MEGF11: variants seen among roughly 807,000 people sequenced by gnomAD.
The protein encoded by MEGF11 is multiple epidermal growth factor-like domains protein 11.
MEGF11 carries 126 observed loss-of-function variants against 146.6 expected under a neutral mutation model. The observed-to-expected ratio is 0.86, with a 90% CI of 0.74 to 1.00. MEGF11 has a LOEUF of 1.00. MEGF11 is among the 50% of genes least tolerant of loss of function. The probability of loss-of-function intolerance (pLI) is 0.00; values close to 1 mark genes in which losing one functional copy is unlikely to be tolerated. For missense variants in MEGF11, 1,509 were observed against 1,521.2 expected, an observed-to-expected ratio of 0.99 and a Z score of 0.13; for synonymous variants, 532 against 583.4, an observed-to-expected ratio of 0.91 and a Z score of 1.27.
At chr15:65,989,970 G>C (rs557570297) in intron 5 of MEGF11, among the ~76,000 whole-genome samples, 1 of 152,172 alleles carries the variant, frequency 6.6e-6, no homozygotes, top group South Asian at 2.1e-4. Flanking sequence ...GAGGAAGGAG[G>C]ATCACTGAGA....
rs112215713 is a variant in MEGF11, at chr15:66,151,304, G to A, written c.-8-22893C>T. Among the ~76,000 whole-genome samples the A allele has an allele frequency of 4.9e-3, 745 of 152,292 alleles. 3 individuals are homozygous for A. The highest frequency in any genetic ancestry group is 5.5e-3 in the African/African-American group (229 of 41,564). ...GAGGACCAACACAACCTTCTTCCTC[G>A]GCACACACAAACGATCCCTGCCTTC... On this transcript the variant is annotated intron_variant, in intron 1 of 25. Transcript: ENST00000395614.
chr15:66,228,499 G>A (rs1445245618), intron 1 of MEGF11, among the ~76,000 whole-genome samples: 2 of 152,138 alleles, frequency 1.3e-5, no homozygotes, highest in African/African-American at 4.8e-5. Flanking sequence ...ACACAGAGGA[G>A]CCACACACAG....
intron 7 of MEGF11, among the ~76,000 whole-genome samples, chr15:65,980,000 A>T (rs1291307245): frequency 6.6e-6 from 1 of 152,120 alleles, no homozygotes; most frequent in East Asian, 1.9e-4. Context: ...AATCACCTAT[A>T]GTACCTGTTA....
In MEGF11 at chr15:66,128,076, G is replaced by A. The variant is rs577045312; in HGVS notation, c.98+230C>T. ...GGCTGGGAAGTGCTAGTGCAGGGAG[G>A]GGTAGGACAGTGCATCGTAACTGAA... On this transcript the variant is annotated intron_variant, in intron 2 of 25. Transcript: ENST00000395614. 5.3e-4 allele frequency among the ~76,000 whole-genome samples: 81 copies of A among 152,330 alleles called. 1 individual carries two copies. The highest frequency in any genetic ancestry group is 1.9e-3 in the African/African-American group (79 of 41,574).
chr15:66,042,701 C>G (rs1277751977), intron 5 of MEGF11, among the ~76,000 whole-genome samples: 1 of 152,192 alleles, frequency 6.6e-6, no homozygotes, highest in Non-Finnish European at 1.5e-5. Context: ...CCCCTCCCAG[C>G]TTCTGGTTTG....
intron 5 of MEGF11, among the ~76,000 whole-genome samples, chr15:66,074,195 A>G (rs1051168770): frequency 3.3e-5 from 5 of 152,214 alleles, no homozygotes; most frequent in African/African-American, 1.2e-4. Context: ...TATTTTTATT[A>G]CATATGAATG....
chr15:66,026,780 A>G (rs1045885429), intron 5 of MEGF11, among the ~76,000 whole-genome samples: 1 of 151,828 alleles, frequency 6.6e-6, no homozygotes, highest in African/African-American at 2.4e-5. Flanking sequence ...AAGCCACCAC[A>G]CCTGGCCGAA....
chr15:66,150,823 C>CGAGAGAGAGAGA (rs66595752), intron 1 of MEGF11, among the ~76,000 whole-genome samples: 57 of 104,358 alleles, frequency 5.5e-4, no homozygotes, highest in African/African-American at 8.1e-4. Context: ...AATGCCCTGT[C>CGAGAGAGAGAGA]GAGAGAGAGA....
At chr15:65,989,540 C>G (rs989156532) in intron 5 of MEGF11, among the ~76,000 whole-genome samples, 1 of 152,350 alleles carries the variant, frequency 6.6e-6, no homozygotes, top group South Asian at 2.1e-4. Flanking sequence ...AGAGATGGAG[C>G]AGCAGCCGCC....
At chr15:65,966,624 A>G (rs1298907265) in intron 8 of MEGF11, among the ~76,000 whole-genome samples, 1 of 152,142 alleles carries the variant, frequency 6.6e-6, no homozygotes, top group African/African-American at 2.4e-5. Context: ...CCTTGGAAGA[A>G]GGTCCCCTCA....
intron 5 of MEGF11, among the ~76,000 whole-genome samples, chr15:66,023,096 A>C (rs1464680477): frequency 2.1e-5 from 3 of 140,798 alleles, no homozygotes; most frequent in Non-Finnish European, 4.5e-5. Flanking sequence ...AGCTGAGATT[A>C]TCCCACTGCA....
At chr15:66,162,374 G>C (rs1001704343) in intron 1 of MEGF11, among the ~76,000 whole-genome samples, 10 of 152,204 alleles carry the variant, frequency 6.6e-5, no homozygotes, top group African/African-American at 2.4e-4. Flanking sequence ...ACATTAGTTT[G>C]ACTTGTAGAA....
At chr15:65,970,928 G>T in intron 7 of MEGF11, 1 of 558,002 alleles carries the variant, frequency 1.8e-6, no homozygotes, top group Non-Finnish European at 3.2e-6. Context: ...GAGGTGCTGT[G>T]TGAGACACTA....
At chr15:65,899,403 T>C (rs1373836261) in intron 24 of MEGF11, among the ~76,000 whole-genome samples, 1 of 152,228 alleles carries the variant, frequency 6.6e-6, no homozygotes, top group Non-Finnish European at 1.5e-5. Flanking sequence ...TTCTTCTTTT[T>C]TGAGATGTTG....
chr15:66,143,958 CT>C (rs1438938663), intron 1 of MEGF11, among the ~76,000 whole-genome samples: 2 of 152,268 alleles, frequency 1.3e-5, no homozygotes, highest in East Asian at 3.9e-4. Context: ...GCACCTCAGC[CT>C]TTCCTCCGGG....
At chr15:65,919,278 G>C (rs1479171595) in intron 15 of MEGF11, among the ~76,000 whole-genome samples, 1 of 152,188 alleles carries the variant, frequency 6.6e-6, no homozygotes, top group East Asian at 1.9e-4. Context: ...TTTTCTTTAT[G>C]TAGTCAACAA....
At chr15:66,152,916 C>T (rs1370398374) in intron 1 of MEGF11, among the ~76,000 whole-genome samples, 1 of 152,222 alleles carries the variant, frequency 6.6e-6, no homozygotes, top group Non-Finnish European at 1.5e-5. Flanking sequence ...ACCGCTTGCT[C>T]ACATGCAGCC....
chr15:66,124,890 G>C (rs1351835966), intron 2 of MEGF11, among the ~76,000 whole-genome samples: 1 of 152,386 alleles, frequency 6.6e-6, no homozygotes, highest in East Asian at 1.9e-4. Context: ...AGGCTGGAGA[G>C]AGGACCTCAG....
At chr15:66,046,286 C>T (rs990905505) in intron 5 of MEGF11, among the ~76,000 whole-genome samples, 2 of 152,206 alleles carry the variant, frequency 1.3e-5, no homozygotes, top group African/African-American at 4.8e-5. Flanking sequence ...TTAACGTACA[C>T]CCAGGATCCC....
Sources: gnomAD v4.1 joint callset for allele counts (sites outside exome capture counted in the v4.1 genomes callset) on GRCh38, gnomAD v4.1.1 for gene constraint, MANE v1.5 for transcripts, NCBI Gene and HGNC (gene_info 2026-07-23, HGNC 2026-07-21) for gene names.